Variants in CHEK1 observed in about 807,000 individuals in gnomAD.
CHEK1 encodes the protein serine/threonine-protein kinase Chk1.
Under a neutral mutation model 60.2 loss-of-function variants are expected in CHEK1, and 32 were observed. That is an observed-to-expected ratio of 0.53 (90% CI 0.40 to 0.71). The LOEUF (loss-of-function observed/expected upper bound fraction) is 0.71, where lower values mean the gene tolerates loss of function less well. Ranked by LOEUF, CHEK1 falls within the 30% of genes least tolerant of loss-of-function variation. The pLI is 0.00. For synonymous variants in CHEK1, 179 were observed against 187.2 expected, an observed-to-expected ratio of 0.96 and a Z score of 0.36; for missense variants, 399 against 564.6, an observed-to-expected ratio of 0.71 and a Z score of 2.97.
chr11:125,657,473 C>A (rs951228108), downstream of CHEK1, among the ~76,000 whole-genome samples: 1 of 152,052 alleles, frequency 6.6e-6, no homozygotes, highest in Non-Finnish European at 1.5e-5. Flanking sequence ...TTCTTTCCCC[C>A]AGAAATAATC....
intron 13 of CHEK1, chr11:125,672,429 G>T: frequency 1.3e-6 from 1 of 758,368 alleles, no homozygotes; most frequent in Non-Finnish European, 2.1e-6. Flanking sequence ...ATGGATAAAA[G>T]CATGAATAGA....
downstream of CHEK1, chr11:125,677,767 ATGAC>A (rs777441907): frequency 2.5e-6 from 4 of 1,608,136 alleles, no homozygotes; most frequent in Admixed American, 5.0e-5. Context: ...CCTGAAGTCA[ATGAC>A]TGGCACCCAT....
At position 125,625,336 on chromosome 11, in the gene CHEK1, G is replaced by C; in HGVS notation, c.-697G>C. The C allele has an allele frequency of 4.1e-6, 1 of 245,632 alleles. No individual in the cohort carries two copies. The highest frequency in any genetic ancestry group is 8.0e-6 in the Non-Finnish European group (1 of 125,776). 15.2% of individuals were successfully genotyped at this position (245,632 alleles called of 1,614,324 possible). A position where few individuals can be genotyped will look rare whatever the true frequency, so the allele number is the denominator to read the frequency against. ...CTGACTTCAAGCTCCAACATAAACT[G>C]CTCGCTTTCTCCGGGAAACTTGCCC... On this transcript the variant is annotated 5_prime_UTR_variant, in exon 1 of 13. Coordinates refer to ENST00000438015, the MANE Select transcript of CHEK1 (RefSeq NM_001114122.3).
intron 3 of CHEK1, among the ~76,000 whole-genome samples, 188 bp from the exon 4 acceptor site, chr11:125,629,044 T>C (rs1940749520): frequency 6.6e-6 from 1 of 152,194 alleles, no homozygotes; most frequent in African/African-American, 2.4e-5. Flanking sequence ...TGATGACGCC[T>C]TTTGCCACCT....
intron 11 of CHEK1, among the ~76,000 whole-genome samples, chr11:125,647,935 T>C (rs2136041063): frequency 6.6e-6 from 1 of 152,352 alleles, no homozygotes; most frequent in South Asian, 2.1e-4. Context: ...TGGAACATTT[T>C]GGATTTCAGA....
At chr11:125,679,885 CTT>C (rs1364311903), downstream of CHEK1, among the ~76,000 whole-genome samples, 3 of 152,178 alleles carry the variant, frequency 2.0e-5, no homozygotes, top group South Asian at 4.1e-4. Context: ...ATTTTTTAAA[CTT>C]ATTACATAAA....
At chr11:125,661,253 C>T (rs1050039704), downstream of CHEK1, among the ~76,000 whole-genome samples, 2 of 151,936 alleles carry the variant, frequency 1.3e-5, no homozygotes, top group African/African-American at 4.8e-5. Context: ...TACTTTGGTT[C>T]CACTGGATTT....
intron 6 of CHEK1, 21 bp from the exon 7 acceptor site, chr11:125,635,407 CT>C (rs777118577): frequency 2.9e-6 from 4 of 1,390,404 alleles, no homozygotes; most frequent in Non-Finnish European, 3.0e-6. Flanking sequence ...TTTAAAAAAA[CT>C]GGGACTTGCT....
chr11:125,670,946 ATT>A (rs1176029758), intron 13 of CHEK1, among the ~76,000 whole-genome samples: 2 of 150,084 alleles, frequency 1.3e-5, no homozygotes, highest in Non-Finnish European at 3.0e-5. Flanking sequence ...CTACCCTTAA[ATT>A]TTTTTTTTAA....
intron 5 of CHEK1, among the ~76,000 whole-genome samples, chr11:125,631,307 GAAAT>G (rs1372298321): frequency 2.6e-5 from 4 of 151,900 alleles, no homozygotes; most frequent in Admixed American, 2.0e-4. Flanking sequence ...TTTAAAAAAA[GAAAT>G]AAAATGTTAC....
rs1327022943 is a variant in CHEK1 at position 125,635,496 on chromosome 11, C to A, written c.681C>A (p.Tyr227Ter). ...EYSDWKEKKT[Y>*]LNPWKKIDSA... Reference sequence around the variant, plus strand: ...CTGACTGGAAAGAAAAAAAAACATACCTCAACCCTTGGAAAAAAATCGATT... The same window carrying A: ...CTGACTGGAAAGAAAAAAAAACATAACTCAACCCTTGGAAAAAAATCGATT... Residue 227 changes from tyrosine to a stop codon, truncating the protein, a stop_gained, in exon 7 of 13, where the codon TAC (tyrosine) becomes TAA (stop). Coordinates refer to ENST00000438015, the MANE Select transcript of CHEK1 (RefSeq NM_001114122.3). LOFTEE classifies it high-confidence loss of function. The A allele has an allele frequency of 6.2e-7, 1 of 1,608,258 alleles. No individual in the cohort carries two copies. Among genetic ancestry groups the A allele is most frequent in the South Asian group, 1.1e-5 (1 of 89,744 alleles).
At chr11:125,675,532 T>C (rs1942461682) in intron 13 of CHEK1, among the ~76,000 whole-genome samples, 1 of 152,122 alleles carries the variant, frequency 6.6e-6, no homozygotes, top group African/African-American at 2.4e-5. Context: ...AGTCAGGCAG[T>C]GTGGTTCCTG....
At chr11:125,665,485 C>T (rs941192435) in intron 13 of CHEK1, among the ~76,000 whole-genome samples, 3 of 151,974 alleles carry the variant, frequency 2.0e-5, no homozygotes, top group Non-Finnish European at 4.4e-5. Flanking sequence ...TATGGTAATG[C>T]TGGCCTGGTA....
intron 1 of CHEK1, 35 bp downstream of exon 1, chr11:125,626,047 T>C (rs1330694593): frequency 7.2e-6 from 5 of 689,920 alleles, no homozygotes; most frequent in Non-Finnish European, 8.0e-6. Context: ...AGGGAAGGTT[T>C]CTAAAGAAGG....
chr11:125,669,396 A>G lies in CHEK1; in HGVS notation c.*28-6532A>G, dbSNP rs76615013. ...TGTTTCTGATGAGAAATCAGTCAACATTTGTATCAGTGTTCCACTATATGT... is the reference window on the plus strand; with the variant it reads ...TGTTTCTGATGAGAAATCAGTCAACGTTTGTATCAGTGTTCCACTATATGT... On this transcript the variant is annotated intron_variant, in intron 13 of 13. Transcript: ENST00000428830. 4.3e-3 allele frequency among the ~76,000 whole-genome samples: 656 copies of G among 152,206 alleles called. 4 individuals carry two copies. Among genetic ancestry groups the G allele is most frequent in the Middle Eastern group, 0.01 (3 of 294 alleles).
rs75612722 is a variant in CHEK1, at chr11:125,629,857, A to C, written c.424+397A>C. ...CATCTCAGCTTCCCGAGTAGCTAGG[A>C]CCAACCACAGGCAGGTGCCACCATG... On this transcript the variant is annotated intron_variant, in intron 5 of 12. Coordinates refer to ENST00000438015, the MANE Select transcript of CHEK1 (RefSeq NM_001114122.3). Among the ~76,000 whole-genome samples, 581 of 152,098 alleles carry C rather than the reference A, an allele frequency of 3.8e-3. 1 individual carries two copies. Among genetic ancestry groups the C allele is most frequent in the African/African-American group, 0.014 (565 of 41,492 alleles).
Position 125,639,805 on chromosome 11 carries a change from A to G in CHEK1, c.814+2261A>G, listed in dbSNP as rs368756548. ...CATCTCCTCCATACTAACTGCCTCT[A>G]TGCTCATGTATTCTCTTTCATCCTG... On this transcript the variant is annotated intron_variant, in intron 8 of 12. Transcript: ENST00000438015. Among the ~76,000 whole-genome samples, 66 of 152,278 alleles carry G rather than the reference A, an allele frequency of 4.3e-4. No individual in the cohort carries two copies. In the East Asian group the frequency reaches 9.3e-3, roughly 21 times the overall value.
chr11:125,678,422 C>G (rs1942629902), downstream of CHEK1: 2 of 1,119,826 alleles, frequency 1.8e-6, no homozygotes, highest in Non-Finnish European at 2.5e-6. Flanking sequence ...GATTGGGCAC[C>G]TGAAGACTGC....
In CHEK1 at chr11:125,656,071, TAAA is replaced by T; in HGVS notation, c.*752_*754del. On this transcript the variant is annotated 3_prime_UTR_variant, in exon 13 of 13. Coordinates refer to ENST00000438015, the MANE Select transcript of CHEK1 (RefSeq NM_001114122.3). ...TACTGGTGACCAAGCTTTTAGGTGA[TAAA>T]GAATAAAAGAGGGAAGGGAAGAGTA... 4.7e-6 allele frequency: 1 copy of T among 212,128 alleles called. No homozygotes were observed. The highest frequency in any genetic ancestry group is 9.5e-6 in the Non-Finnish European group (1 of 104,816). 13.1% of individuals were successfully genotyped at this position (212,128 alleles called of 1,614,324 possible).
Sources: gnomAD v4.1 joint callset for allele counts (sites outside exome capture counted in the v4.1 genomes callset) on GRCh38, gnomAD v4.1.1 for gene constraint, MANE v1.5 for transcripts, NCBI Gene and HGNC (gene_info 2026-07-23, HGNC 2026-07-21) for gene names.